The following ANK3 variants were observed in gnomAD, a reference collection of about 807,000 sequenced individuals.
The protein encoded by ANK3 is ankyrin 3.
ANK3 carries 57 observed loss-of-function variants against 370.9 expected under a neutral mutation model. The observed-to-expected ratio is 0.15, with a 90% CI of 0.12 to 0.19. The LOEUF is 0.19. ANK3 is among the 10% of genes least tolerant of loss of function. The pLI, the probability that ANK3 is intolerant of heterozygous loss-of-function variation, is 1.00. For missense variants in ANK3, 4,439 were observed against 5,302.1 expected (o/e 0.84, Z 5.06); for synonymous variants, 1,929 against 1,946.3 (o/e 0.99, Z 0.23).
intron 2 of ANK3, among the ~76,000 whole-genome samples, chr10:60,418,139 GC>G (rs1485982286): frequency 6.6e-6 from 1 of 152,128 alleles, no homozygotes; most frequent in East Asian, 1.9e-4. Context: ...CAGCCTGCAA[GC>G]TGTCTTACCT....
intron 1 of ANK3, among the ~76,000 whole-genome samples, chr10:60,318,320 C>T (rs940275611): frequency 4.6e-5 from 7 of 152,148 alleles, no homozygotes; most frequent in African/African-American, 1.4e-4. Context: ...CTAGAGTGCC[C>T]TTCTTAACAG....
intron 1 of ANK3, among the ~76,000 whole-genome samples, chr10:60,336,890 A>T (rs922835042): frequency 6.6e-6 from 1 of 152,134 alleles, no homozygotes; most frequent in East Asian, 1.9e-4. Flanking sequence ...GTGCATCTAC[A>T]TTCTCTTTGC....
chr10:60,032,171 C>T (rs145360311), intron 43 of ANK3, among the ~76,000 whole-genome samples: 35 of 135,364 alleles, frequency 2.6e-4, no homozygotes, highest in African/African-American at 8.9e-4. Flanking sequence ...TATCATACTT[C>T]AGCTATTATA....
chr10:60,327,749 A>G (rs997046697), intron 1 of ANK3, among the ~76,000 whole-genome samples: 4 of 152,182 alleles, frequency 2.6e-5, no homozygotes, highest in Admixed American at 6.6e-5. Context: ...ACAGCTCCGC[A>G]GCCTGGCTGA....
chr10:60,522,866 T>C (rs578076326), intron 2 of ANK3, among the ~76,000 whole-genome samples: 126 of 152,204 alleles, frequency 8.3e-4, no homozygotes, highest in African/African-American at 2.7e-3. Context: ...CCAGTTCAAA[T>C]AGCAGACACA....
rs7910424 is a variant in ANK3, at chr10:60,279,264, G to C, written c.217-116C>G. On this transcript the variant is annotated intron_variant, in intron 2 of 43. Transcript: ENST00000280772. The stretch of plus-strand genomic sequence containing the variant: ...CCACCTGATGATCACTTGCATGTAT[G>C]CTGTGCAGGAACTTGAATCTTGAAT... 2.7e-3 allele frequency: 2,374 copies of C among 888,932 alleles called. 59 individuals carry two copies. In the African/African-American group the frequency reaches 0.035, roughly 13 times the overall value. 55.1% of individuals were successfully genotyped at this position (888,932 alleles called of 1,614,324 possible). A position where few individuals can be genotyped will look rare whatever the true frequency, so the allele number is the denominator to read the frequency against.
intron 2 of ANK3, among the ~76,000 whole-genome samples, chr10:60,411,923 C>A (rs1443977899): frequency 1.3e-5 from 2 of 152,010 alleles, no homozygotes; most frequent in African/African-American, 2.4e-5. Flanking sequence ...GCAATTAATC[C>A]CAGCTGCATA....
In ANK3 at chr10:60,088,958, T is replaced by A. The variant is rs540350275; in HGVS notation, c.3329-600A>T. On this transcript the variant is annotated intron_variant, in intron 28 of 43. Transcript: ENST00000280772. Reference sequence around the variant, plus strand: ...GTTTTCAAGAACAAGAATGGGAATTTACAATAATTTGCCCCCAAGCTGCCA... The same window carrying A: ...GTTTTCAAGAACAAGAATGGGAATTAACAATAATTTGCCCCCAAGCTGCCA... Among the ~76,000 whole-genome samples, 348 of 152,266 alleles carry A rather than the reference T, an allele frequency of 2.3e-3. 1 individual carries two copies. The highest frequency in any genetic ancestry group is 8.2e-3 in the African/African-American group (340 of 41,524).
At chr10:60,226,508 TAC>T (rs1491199233) in intron 8 of ANK3, among the ~76,000 whole-genome samples, 4 of 62,700 alleles carry the variant, frequency 6.4e-5, no homozygotes, top group East Asian at 1.2e-3. Context: ...ATAGTATATA[TAC>T]ATAGTATATA....
rs767118669 is a variant in ANK3, at chr10:60,615,200, G to A, written c.82C>T (p.Arg28Ter). ...ATTTTCATTACCTTTCTAGAGCTTC[G>A]TGAATAATCTGATCCAAAGCCACCC... Residue 28 changes from arginine to a stop codon, truncating the protein, a stop_gained, in exon 2 of 44, where the codon CGA (arginine) becomes TGA (stop). Transcript: ENST00000373827. LOFTEE classifies it high-confidence loss of function. 4.0e-6 allele frequency: 6 copies of A among 1,515,992 alleles called. No individual in the cohort carries two copies. The highest frequency in any genetic ancestry group is 5.0e-5 in the East Asian group (2 of 40,024). 93.9% of individuals were successfully genotyped at this position (1,515,992 alleles called of 1,614,324 possible).
rs183865824 is a variant in ANK3, at chr10:60,030,364, G to T, written c.*20-538C>A. Among the ~76,000 whole-genome samples the T allele has an allele frequency of 1.6e-4, 25 of 152,046 alleles. 1 individual carries two copies. The East Asian group carries it at 4.1e-3, about 25-fold the overall frequency. On this transcript the variant is annotated intron_variant, in intron 43 of 43. Coordinates refer to ENST00000280772, the MANE Select transcript of ANK3 (RefSeq NM_020987.5). ...TCACTATGTTAGTCAGGATGGTCTC[G>T]ATCTCCTGACCTCGTGAGCCGCCCA...
rs559106025 is a variant in ANK3 at position 60,377,514 on chromosome 10, T to C, written c.114+11911A>G. On this transcript the variant is annotated intron_variant, in intron 1 of 43. Transcript: ENST00000280772. ...TGAAGTTAAAAACATAAAGCTTCAG[T>C]CATGCACCATTATTTAAAAAGCACT... 2.6e-5 allele frequency among the ~76,000 whole-genome samples: 4 copies of C among 152,334 alleles called. No homozygotes were observed. The East Asian group carries it at 7.7e-4, about 29-fold the overall frequency.
rs557744233 is a variant in ANK3, at chr10:60,684,321, C to T, written c.57+48942G>A. 1.2e-4 allele frequency among the ~76,000 whole-genome samples: 18 copies of T among 152,318 alleles called. No homozygotes were observed. In the South Asian group the frequency reaches 1.7e-3, roughly 14 times the overall value. On this transcript the variant is annotated intron_variant, in intron 1 of 43. Coordinates refer to the ANK3 transcript ENST00000373827. The stretch of plus-strand genomic sequence containing the variant: ...CACCTGGCGCTCAGGCCTCCACCAC[C>T]GCCCATGCCTCCCTGGTGCCAGCGA...
chr10:60,165,712 A>G (rs1012193952), intron 23 of ANK3, among the ~76,000 whole-genome samples: 1 of 152,236 alleles, frequency 6.6e-6, no homozygotes, highest in East Asian at 1.9e-4. Flanking sequence ...AAAGACTAGC[A>G]ACACTAAGAC....
intron 1 of ANK3, among the ~76,000 whole-genome samples, chr10:60,308,529 G>A (rs1243215298): frequency 6.6e-6 from 1 of 152,030 alleles, no homozygotes; most frequent in Non-Finnish European, 1.5e-5. Context: ...GCCTGCCTCG[G>A]CCTCCCAAAT....
At chr10:60,690,797 A>C (rs2079341366) in intron 1 of ANK3, among the ~76,000 whole-genome samples, 2 of 152,204 alleles carry the variant, frequency 1.3e-5, no homozygotes, top group South Asian at 4.1e-4. Context: ...AGAAGTCTTC[A>C]GAGTCCAGGC....
chr10:60,547,206 T>G (rs1004232031), intron 2 of ANK3, among the ~76,000 whole-genome samples: 1 of 142,552 alleles, frequency 7.0e-6, no homozygotes, highest in Admixed American at 7.2e-5. Context: ...TTCTCCTGCC[T>G]CAGCCTTCTG....
chr10:60,303,915 T>C (rs979458614), intron 1 of ANK3, among the ~76,000 whole-genome samples: 7 of 151,358 alleles, frequency 4.6e-5, no homozygotes, highest in East Asian at 1.9e-4. Context: ...TGTGTATAAT[T>C]AAACACTATT....
rs184013714 is a variant in ANK3 at position 60,331,380 on chromosome 10, T to G, written c.115-51741A>C. ...ATTTTTATAAATATGTATCTACATG[T>G]GTTATACACCAAAATTAAACAGAAG... On this transcript the variant is annotated intron_variant, in intron 1 of 43. Transcript: ENST00000280772. Among the ~76,000 whole-genome samples, 711 of 152,232 alleles carry G rather than the reference T, an allele frequency of 4.7e-3. 3 individuals carry two copies. The highest frequency in any genetic ancestry group is 0.014 in the Middle Eastern group (4 of 294).
Sources: allele counts gnomAD v4.1 joint callset (sites outside exome capture counted in the v4.1 genomes callset), GRCh38; gene constraint gnomAD v4.1.1; transcripts MANE v1.5; gene names NCBI Gene and HGNC (gene_info 2026-07-23, HGNC 2026-07-21).